TYW5: variants seen among roughly 807,000 people sequenced by gnomAD.
TYW5 encodes the protein tRNA-yW synthesizing protein 5.
TYW5 carries 36 observed loss-of-function variants against 44.4 expected under a neutral mutation model. The ratio of observed to expected loss-of-function variants is 0.81; its 90% confidence interval spans 0.62 to 1.07. The LOEUF (loss-of-function observed/expected upper bound fraction) is 1.07, where lower values mean the gene tolerates loss of function less well. Among genes scored for constraint, TYW5 ranks in the 50% least tolerant of loss-of-function variants. The pLI is 0.00. For synonymous variants in TYW5, 121 were observed against 128.1 expected, an observed-to-expected ratio of 0.94 and a Z score of 0.37; for missense variants, 354 against 365.7, an observed-to-expected ratio of 0.97 and a Z score of 0.26.
rs1011818840 is a variant in TYW5, at chr2:199,939,137, C to A, written c.349-67G>T. On this transcript the variant is annotated intron_variant, in intron 4 of 7. Coordinates refer to ENST00000354611, the MANE Select transcript of TYW5 (RefSeq NM_001039693.3). ...CCTATGATATTAAGGAAGACTGGGG[C>A]AAAACTTTGTTCACTGCTTTAAAAT... 31 of 1,434,300 alleles carry A rather than the reference C, an allele frequency of 2.2e-5. No individual in the cohort carries two copies. The Admixed American group carries it at 5.2e-4, about 24-fold the overall frequency. The allele number at this position is 1,434,300 out of a possible 1,614,324, so 88.8% of individuals were successfully genotyped here.
chr2:199,951,698 T>C (rs762243965), intron 1 of TYW5, among the ~76,000 whole-genome samples: 3 of 152,210 alleles, frequency 2.0e-5, no homozygotes, highest in South Asian at 2.1e-4. Context: ...ATATATTTTC[T>C]TCTGTTGTGT....
rs760666215 is a variant in TYW5 at position 199,940,110 on chromosome 2, TG to T, written c.326del (p.Ser109TyrfsTer20). The T allele has an allele frequency of 2.5e-6, 4 of 1,612,712 alleles. No homozygotes were observed. The highest frequency in any genetic ancestry group is 1.3e-5 in the African/African-American group (1 of 74,842). On this transcript the variant is annotated frameshift_variant, in exon 4 of 8. Transcript: ENST00000354611. LOFTEE classifies it high-confidence loss of function. ...TTACCTTTCTAGGGTCTTCTCCAAG[TG>T]ACCGTAAGTAGTATTTCTCATCCTT... The part of the protein sequence containing the change: ...VSEDEKYYLR[S>X]LGEDPRKDVA...
intron 2 of TYW5, chr2:199,946,773 C>T (rs900544752): frequency 1.3e-5 from 2 of 152,046 alleles, no homozygotes; most frequent in African/African-American, 4.8e-5. Context: ...ATGACTAAAC[C>T]TATTTTTTTG....
chr2:199,955,464 C>T lies in TYW5; in HGVS notation c.7G>A (p.Gly3Arg), dbSNP rs763089577. 3 of 1,613,724 alleles carry T rather than the reference C, an allele frequency of 1.9e-6. No individual in the cohort carries two copies. Among genetic ancestry groups the T allele is most frequent in the South Asian group, 2.2e-5 (2 of 90,998 alleles). The change falls in exon 1 of 8, where the codon GGG (glycine) becomes AGG (arginine). Residue 3 changes from glycine to arginine, a missense_variant. Transcript: ENST00000354611. MA[G>R]QHLPVPRLEG... ...AGCCGGGGTACCGGGAGGTGCTGCCCGGCCATGGTTGCTCACGCCTGCCCT... is the reference window on the plus strand; with the variant it reads ...AGCCGGGGTACCGGGAGGTGCTGCCTGGCCATGGTTGCTCACGCCTGCCCT...
At position 199,932,830 on chromosome 2, in the gene TYW5, C is replaced by T. The variant is rs1488767413; in HGVS notation, c.*237G>A. ...TATTGTGAATCAATATATTTTCTTA[C>T]TGTTTTTAAGTCATTTTAAGTTGGA... On this transcript the variant is annotated 3_prime_UTR_variant, in exon 8 of 8. Coordinates refer to ENST00000354611, the MANE Select transcript of TYW5 (RefSeq NM_001039693.3). 2.1e-6 allele frequency: 1 copy of T among 484,692 alleles called. No individual in the cohort carries two copies. The highest frequency in any genetic ancestry group is 3.3e-5 in the South Asian group (1 of 30,058). The allele number at this position is 484,692 out of a possible 1,614,324, so 30.0% of individuals were successfully genotyped here.
In TYW5 at chr2:199,931,027, A is replaced by T. The variant is rs2077373252; in HGVS notation, c.*2040T>A. The T allele has an allele frequency of 1.3e-5, 2 of 152,206 alleles. No homozygotes were observed. The highest frequency in any genetic ancestry group is 4.1e-4 in the South Asian group (2 of 4,832). The allele number at this position is 152,206 out of a possible 1,614,324, so 9.4% of individuals were successfully genotyped here. On this transcript the variant is annotated 3_prime_UTR_variant, in exon 8 of 8. Transcript: ENST00000354611. The stretch of plus-strand genomic sequence containing the variant: ...TTAAAATATTTTGTATTTGAAATAA[A>T]CAGACCCTAATATTAATTATGACCA...
At position 199,931,384 on chromosome 2, in the gene TYW5, ACT is replaced by A. The variant is rs754409147; in HGVS notation, c.*1681_*1682del. On this transcript the variant is annotated 3_prime_UTR_variant, in exon 8 of 8. Transcript: ENST00000354611. ...TTAATACTTCCAAGTTTTCTACATG[ACT>A]CTGGATTTATACTTTGTATCAATTC... 1 of 152,076 alleles carries A rather than the reference ACT, an allele frequency of 6.6e-6. No homozygotes were observed. Among genetic ancestry groups the A allele is most frequent in the Non-Finnish European group, 1.5e-5 (1 of 67,996 alleles). The allele number at this position is 152,076 out of a possible 1,614,324, so 9.4% of individuals were successfully genotyped here.
intron 3 of TYW5, chr2:199,943,336 AAC>A (rs2077479948): frequency 6.5e-6 from 1 of 154,036 alleles, no homozygotes; most frequent in South Asian, 2.0e-4. Context: ...AGAATACAGA[AAC>A]AGTCTAATAG....
At chr2:199,943,742 T>C (rs2077483330) in intron 3 of TYW5, 23 bp downstream of exon 3, 2 of 1,591,766 alleles carry the variant, frequency 1.3e-6, no homozygotes, top group East Asian at 4.5e-5. Flanking sequence ...ATGCCTTCTT[T>C]TAAAAATGTT....
At position 199,955,377 on chromosome 2, in the gene TYW5, C is replaced by G. The variant is rs771756428; in HGVS notation, c.78+16G>C. 18 of 1,612,134 alleles carry G rather than the reference C, an allele frequency of 1.1e-5. No homozygotes were observed. Among genetic ancestry groups the G allele is most frequent in the Non-Finnish European group, 1.5e-5 (18 of 1,179,366 alleles). On this transcript the variant is annotated intron_variant, in intron 1 of 7. Transcript: ENST00000354611. ...TCGCTGGTTTCTCGAGGTTCTGCCC[C>G]GCGCGAGGGCCTCACCTGTGGGTAG... is the stretch of plus-strand genomic sequence containing the variant.
chr2:199,946,192 T>C (rs1016092462), intron 2 of TYW5: 1 of 152,218 alleles, frequency 6.6e-6, no homozygotes, highest in South Asian at 2.1e-4. Context: ...ATGAGTAATA[T>C]AACCTAGATT....
chr2:199,934,943 G>A (rs1214884592), intron 7 of TYW5, among the ~76,000 whole-genome samples: 1 of 151,990 alleles, frequency 6.6e-6, no homozygotes, highest in Middle Eastern at 3.5e-3. Context: ...TACTACAGGT[G>A]TTGAGATTAT....
chr2:199,954,960 A>G (rs2077582659), intron 1 of TYW5, among the ~76,000 whole-genome samples: 1 of 152,218 alleles, frequency 6.6e-6, no homozygotes, highest in South Asian at 2.1e-4. Context: ...AACTACAGGT[A>G]TAAAAGACTC....
chr2:199,936,737 G>A (rs557293209), intron 5 of TYW5, among the ~76,000 whole-genome samples: 3 of 152,130 alleles, frequency 2.0e-5, no homozygotes. Flanking sequence ...GTCAGAAAAC[G>A]ATTTGCCTTT....
Position 199,933,019 on chromosome 2 carries a change from C to A in TYW5, c.*48G>T. On this transcript the variant is annotated 3_prime_UTR_variant, in exon 8 of 8. Coordinates refer to ENST00000354611, the MANE Select transcript of TYW5 (RefSeq NM_001039693.3). ...TTTTAACAAAATCTTTAATTTATAT[C>A]GTTATACCTTACTAAAGTGTTAATG... 6.3e-7 allele frequency: 1 copy of A among 1,578,826 alleles called. No individual in the cohort carries two copies. Among genetic ancestry groups the A allele is most frequent in the Non-Finnish European group, 8.6e-7 (1 of 1,163,804 alleles).
At chr2:199,953,041 G>A (rs1460505884) in intron 1 of TYW5, among the ~76,000 whole-genome samples, 1 of 152,172 alleles carries the variant, frequency 6.6e-6, no homozygotes, top group Non-Finnish European at 1.5e-5. Context: ...GATGTGCCAG[G>A]CTGGGCGCGG....
In TYW5 at chr2:199,936,362, C is replaced by G. The variant is rs377700074; in HGVS notation, c.574+43G>C. Reference sequence around the variant, plus strand: ...TCAAGAGATTTCTCAAAAAGAGTAACTGAATAGACTTTTGAAATATAAACT... The same window carrying G: ...TCAAGAGATTTCTCAAAAAGAGTAAGTGAATAGACTTTTGAAATATAAACT... On this transcript the variant is annotated intron_variant, in intron 6 of 7. Coordinates refer to ENST00000354611, the MANE Select transcript of TYW5 (RefSeq NM_001039693.3). The G allele has an allele frequency of 1.9e-5, 29 of 1,507,282 alleles. No individual in the cohort carries two copies. The African/African-American group carries it at 3.5e-4, about 18-fold the overall frequency. The allele number at this position is 1,507,282 out of a possible 1,614,324, so 93.4% of individuals were successfully genotyped here. A position where few individuals can be genotyped will look rare whatever the true frequency, so the allele number is the denominator to read the frequency against.
intron 4 of TYW5, among the ~76,000 whole-genome samples, chr2:199,939,846 T>C (rs1398868212): frequency 1.6e-4 from 24 of 152,188 alleles, no homozygotes; most frequent in African/African-American, 2.4e-5. Flanking sequence ...GTAGAAGAGA[T>C]TTCTTATTGT....
rs2077390526 is a variant in TYW5, at chr2:199,932,905, T to C, written c.*162A>G. On this transcript the variant is annotated 3_prime_UTR_variant, in exon 8 of 8. Coordinates refer to ENST00000354611, the MANE Select transcript of TYW5 (RefSeq NM_001039693.3). ...TTAAAGAGTGGTCCCAGCACAGCAT[T>C]CTTTAATTATAACAATCTGTATCAA... 9 of 815,860 alleles carry C rather than the reference T, an allele frequency of 1.1e-5. No homozygotes were observed. The South Asian group carries it at 1.4e-4, about 13-fold the overall frequency. 50.5% of individuals were successfully genotyped at this position (815,860 alleles called of 1,614,324 possible).
Sources: gnomAD v4.1 joint callset for allele counts (sites outside exome capture counted in the v4.1 genomes callset) on GRCh38, gnomAD v4.1.1 for gene constraint, MANE v1.5 for transcripts, NCBI Gene and HGNC (gene_info 2026-07-23, HGNC 2026-07-21) for gene names.